Variants in TDRD3 observed in about 807,000 individuals in gnomAD.
TDRD3 encodes the protein tudor domain containing 3.
A neutral mutation model predicts 86.7 loss-of-function variants in TDRD3; 45 were observed. The observed-to-expected ratio is 0.52, with a 90% CI of 0.41 to 0.67. The LOEUF (loss-of-function observed/expected upper bound fraction) is 0.67, where lower values mean the gene tolerates loss of function less well. Ranked by LOEUF, TDRD3 falls within the 30% of genes least tolerant of loss-of-function variation. The probability of loss-of-function intolerance (pLI) is 0.00; values close to 1 mark genes in which losing one functional copy is unlikely to be tolerated. For missense variants in TDRD3, 814 were observed against 889.0 expected, an observed-to-expected ratio of 0.92 and a Z score of 1.07; for synonymous variants, 298 against 301.7, an observed-to-expected ratio of 0.99 and a Z score of 0.13.
At chr13:60,489,758 T>G (rs1435494755) in intron 7 of TDRD3, among the ~76,000 whole-genome samples, 1 of 152,220 alleles carries the variant, frequency 6.6e-6, no homozygotes, top group Non-Finnish European at 1.5e-5. Context: ...TACCATTTCT[T>G]AAATTAATAC....
At chr13:60,519,129 A>G (rs1957233752) in intron 10 of TDRD3, among the ~76,000 whole-genome samples, 1 of 152,160 alleles carries the variant, frequency 6.6e-6, no homozygotes, top group Non-Finnish European at 1.5e-5. Context: ...ATACTAGAAC[A>G]CATGAGCCTC....
chr13:60,518,497 T>A (rs1438643838), intron 10 of TDRD3, among the ~76,000 whole-genome samples: 1 of 152,156 alleles, frequency 6.6e-6, no homozygotes, highest in Admixed American at 6.5e-5. Context: ...CCCTAAAAAT[T>A]GGCCTCACCT....
Position 60,512,208 on chromosome 13 carries a change from G to T in TDRD3, c.1141+1453G>T, listed in dbSNP as rs139458398. ...GAGGCAAAGGGAGAGCTTGTGGAGAGAAACCCTTATAAAGCCATCAGATCT... is the reference window on the plus strand; with the variant it reads ...GAGGCAAAGGGAGAGCTTGTGGAGATAAACCCTTATAAAGCCATCAGATCT... On this transcript the variant is annotated intron_variant, in intron 10 of 13. Transcript: ENST00000377881. Among the ~76,000 whole-genome samples the T allele has an allele frequency of 7.6e-3, 1,150 of 152,198 alleles. 18 individuals carry two copies. Among genetic ancestry groups the T allele is most frequent in the African/African-American group, 0.027 (1,113 of 41,526 alleles).
intron 12 of TDRD3, among the ~76,000 whole-genome samples, chr13:60,555,457 G>A (rs1034404113): frequency 1.4e-4 from 22 of 152,190 alleles, no homozygotes; most frequent in African/African-American, 4.8e-4. Flanking sequence ...TACACACTAG[G>A]AAAACTACAA....
At chr13:60,513,858 G>T (rs1263111295) in intron 10 of TDRD3, among the ~76,000 whole-genome samples, 1 of 152,174 alleles carries the variant, frequency 6.6e-6, no homozygotes, top group Non-Finnish European at 1.5e-5. Context: ...AAATTACCCA[G>T]TCTCAGGTAT....
intron 1 of TDRD3, among the ~76,000 whole-genome samples, chr13:60,404,301 GGTTT>G (rs1475274673): frequency 6.6e-6 from 1 of 150,730 alleles, no homozygotes; most frequent in Non-Finnish European, 1.5e-5. Context: ...TGTTGTTGTT[GGTTT>G]GTTTGCTTTT....
chr13:60,484,021 T>C (rs113822806), intron 6 of TDRD3, among the ~76,000 whole-genome samples, 175 bp downstream of exon 6: 1 of 152,158 alleles, frequency 6.6e-6, no homozygotes, highest in African/African-American at 2.4e-5. Flanking sequence ...GTAGTTATAT[T>C]GTTGACGTTT....
intron 12 of TDRD3, chr13:60,547,361 T>C (rs1312447517): frequency 1.0e-6 from 1 of 985,238 alleles, no homozygotes; most frequent in African/African-American, 1.7e-5. Flanking sequence ...GCAAGGCTGG[T>C]CTTGGGCAAA....
At chr13:60,484,652 A>C (rs1175034108) in intron 6 of TDRD3, 1 of 443,216 alleles carries the variant, frequency 2.3e-6, no homozygotes, top group Admixed American at 2.5e-5. Context: ...ACCTATTTTG[A>C]AGCATTTAAA....
intron 12 of TDRD3, among the ~76,000 whole-genome samples, chr13:60,564,869 A>G (rs1304050358): frequency 6.6e-6 from 1 of 152,126 alleles, no homozygotes; most frequent in Non-Finnish European, 1.5e-5. Context: ...TTAAATAAAG[A>G]GGAAAGAAGT....
chr13:60,561,114 T>C lies in TDRD3; in HGVS notation c.2119-6411T>C, dbSNP rs112707944. 2.9e-4 allele frequency among the ~76,000 whole-genome samples: 44 copies of C among 152,348 alleles called. 1 individual carries two copies. Among genetic ancestry groups the C allele is most frequent in the African/African-American group, 1.1e-3 (44 of 41,592 alleles). On this transcript the variant is annotated intron_variant, in intron 12 of 13. Transcript: ENST00000377881. ...AGCTTCAGAAACCAAGATAATCTGTTATAAAACTTACTATATTTGGTTATA... is the reference window on the plus strand; with the variant it reads ...AGCTTCAGAAACCAAGATAATCTGTCATAAAACTTACTATATTTGGTTATA...
At chr13:60,423,343 C>T (rs973808745) in intron 1 of TDRD3, among the ~76,000 whole-genome samples, 2 of 152,064 alleles carry the variant, frequency 1.3e-5, no homozygotes, top group Non-Finnish European at 2.9e-5. Flanking sequence ...CAGGATACTT[C>T]GTTATACTGC....
intron 13 of TDRD3, among the ~76,000 whole-genome samples, chr13:60,568,528 A>C (rs1958515554): frequency 6.6e-6 from 1 of 152,228 alleles, no homozygotes. Context: ...AACACTTATA[A>C]AATAAGCTCA....
intron 1 of TDRD3, among the ~76,000 whole-genome samples, chr13:60,407,222 G>C (rs1390361991): frequency 6.6e-6 from 1 of 152,166 alleles, no homozygotes. Context: ...GAAAGATCAA[G>C]TCTTCATATT....
chr13:60,535,062 T>G, intron 11 of TDRD3, 46 bp from the exon 12 acceptor site: 3 of 1,604,814 alleles, frequency 1.9e-6, no homozygotes, highest in Non-Finnish European at 2.6e-6. Context: ...TTGCCCTTTA[T>G]AGACAATACC....
Position 60,528,497 on chromosome 13 carries a change from A to G in TDRD3, c.1272A>G (p.Glu424=). 1 of 1,614,090 alleles carries G rather than the reference A, an allele frequency of 6.2e-7. No individual in the cohort carries two copies. Among genetic ancestry groups the G allele is most frequent in the Non-Finnish European group, 8.5e-7 (1 of 1,179,976 alleles). Residue 424 remains glutamate, a synonymous_variant, in exon 11 of 14, where the codon GAA becomes GAG. Coordinates refer to ENST00000377881, the MANE Select transcript of TDRD3 (RefSeq NM_001146070.2). ...PRNDTRQPRN[E]KPPRFQRDSQ... Reference sequence around the variant, plus strand: ...ATGATACCAGGCAGCCAAGAAATGAAAAACCGCCTCGTTTTCAAAGAGACT... The same window carrying G: ...ATGATACCAGGCAGCCAAGAAATGAGAAACCGCCTCGTTTTCAAAGAGACT...
At chr13:60,421,900 T>A (rs1954669970) in intron 1 of TDRD3, among the ~76,000 whole-genome samples, 1 of 152,102 alleles carries the variant, frequency 6.6e-6, no homozygotes, top group African/African-American at 2.4e-5. Flanking sequence ...AAATCCACCC[T>A]AAATGTGAAA....
At chr13:60,466,530 A>G (rs183424527) in intron 4 of TDRD3, among the ~76,000 whole-genome samples, 31 of 152,170 alleles carry the variant, frequency 2.0e-4, no homozygotes, top group Non-Finnish European at 3.7e-4. Context: ...GCTCACGCAT[A>G]TAATCCTAGC....
intron 3 of TDRD3, among the ~76,000 whole-genome samples, chr13:60,448,566 A>G (rs574287223): frequency 2.6e-5 from 4 of 152,170 alleles, no homozygotes; most frequent in South Asian, 2.1e-4. Context: ...GACAATCACA[A>G]TTTTTTCCAG....
Sources: allele counts gnomAD v4.1 joint callset (sites outside exome capture counted in the v4.1 genomes callset), GRCh38; gene constraint gnomAD v4.1.1; transcripts MANE v1.5; gene names NCBI Gene and HGNC (gene_info 2026-07-23, HGNC 2026-07-21).